NOS1AP: variants seen among roughly 807,000 people sequenced by gnomAD.
NOS1AP encodes nitric oxide synthase 1 adaptor protein.
In NOS1AP, 21 loss-of-function variants were observed where a neutral mutation model predicts 56.2. The observed-to-expected ratio is 0.37, with a 90% CI of 0.26 to 0.54. The LOEUF is 0.54. Ranked by LOEUF, NOS1AP falls within the 20% of genes least tolerant of loss-of-function variation. NOS1AP has a pLI of 0.84. For missense variants in NOS1AP, 522 were observed against 657.8 expected, an observed-to-expected ratio of 0.79 and a Z score of 2.26; for synonymous variants, 270 against 274.6, an observed-to-expected ratio of 0.98 and a Z score of 0.17.
intron 3 of NOS1AP, among the ~76,000 whole-genome samples, chr1:162,295,086 C>T (rs181782630): frequency 4.6e-5 from 7 of 152,284 alleles, no homozygotes; most frequent in African/African-American, 1.7e-4. Flanking sequence ...GTTCCCTGGG[C>T]TGTTTTTAGT....
At chr1:162,106,385 C>G (rs954074555) in intron 1 of NOS1AP, among the ~76,000 whole-genome samples, 1 of 152,196 alleles carries the variant, frequency 6.6e-6, no homozygotes, top group Non-Finnish European at 1.5e-5. Flanking sequence ...TCATTCCTTT[C>G]TCTGAGCACC....
intron 2 of NOS1AP, among the ~76,000 whole-genome samples, chr1:162,266,243 T>C (rs1477274732): frequency 6.6e-6 from 1 of 152,238 alleles, no homozygotes; most frequent in Non-Finnish European, 1.5e-5. Flanking sequence ...GCAGTCTACA[T>C]AGATTCTGAA....
chr1:162,162,960 TG>T (rs1650298339), intron 2 of NOS1AP, among the ~76,000 whole-genome samples: 1 of 152,194 alleles, frequency 6.6e-6, no homozygotes, highest in Non-Finnish European at 1.5e-5. Flanking sequence ...CCATCATCCC[TG>T]ATTCCCCAAC....
At chr1:162,240,431 C>A (rs771400186) in intron 2 of NOS1AP, among the ~76,000 whole-genome samples, 1 of 152,222 alleles carries the variant, frequency 6.6e-6, no homozygotes, top group Non-Finnish European at 1.5e-5. Flanking sequence ...CAAGCCCAGG[C>A]AAGCTCAGCA....
chr1:162,196,478 A>G (rs1557828813), intron 2 of NOS1AP, among the ~76,000 whole-genome samples: 1 of 152,232 alleles, frequency 6.6e-6, no homozygotes, highest in African/African-American at 2.4e-5. Context: ...TGCAGCACAT[A>G]GTAGATGCTT....
chr1:162,162,224 C>T (rs1240711787), intron 2 of NOS1AP, among the ~76,000 whole-genome samples: 1 of 152,014 alleles, frequency 6.6e-6, no homozygotes, highest in Admixed American at 6.6e-5. Flanking sequence ...AAGGGTTATG[C>T]CCTGAAGAAA....
intron 5 of NOS1AP, among the ~76,000 whole-genome samples, chr1:162,335,679 C>T (rs1571226793): frequency 6.6e-6 from 1 of 152,112 alleles, no homozygotes; most frequent in East Asian, 1.9e-4. Context: ...GGGTGTTCTC[C>T]GGAGCCCTCG....
intron 2 of NOS1AP, among the ~76,000 whole-genome samples, chr1:162,242,540 G>A (rs1406725910): frequency 6.6e-6 from 1 of 152,272 alleles, no homozygotes; most frequent in East Asian, 1.9e-4. Context: ...AGCCATCTTG[G>A]ACGTCCAGAC....
At chr1:162,304,039 A>G (rs2101757850) in intron 4 of NOS1AP, among the ~76,000 whole-genome samples, 1 of 151,990 alleles carries the variant, frequency 6.6e-6, no homozygotes, top group Middle Eastern at 3.4e-3. Flanking sequence ...ATCTGTACCT[A>G]ACTCAAGGTC....
chr1:162,298,701 A>G (rs189289131), intron 3 of NOS1AP, among the ~76,000 whole-genome samples: 50 of 152,356 alleles, frequency 3.3e-4, no homozygotes, highest in Non-Finnish European at 6.5e-4. Context: ...TGTAAAAAAA[A>G]GACAATCAAC....
Position 162,234,567 on chromosome 1 carries a change from C to T in NOS1AP, c.178-52777C>T, listed in dbSNP as rs534035989. ...ACTTCTGAATTCCTCCCACGTGGAG[C>T]CAATGTGTCTCTTCCTCTCTATGTG... On this transcript the variant is annotated intron_variant, in intron 2 of 9. Transcript: ENST00000361897. Among the ~76,000 whole-genome samples the T allele has an allele frequency of 3.3e-5, 5 of 152,278 alleles. No individual in the cohort carries two copies. In the South Asian group the frequency reaches 8.3e-4, roughly 25 times the overall value.
chr1:162,180,983 C>A (rs192375475), intron 2 of NOS1AP, among the ~76,000 whole-genome samples: 36 of 152,358 alleles, frequency 2.4e-4, no homozygotes, highest in South Asian at 1.0e-3. Context: ...CTATTCTCAG[C>A]TATCCTCAAG....
intron 2 of NOS1AP, among the ~76,000 whole-genome samples, chr1:162,267,814 A>G (rs1450837572): frequency 6.6e-6 from 1 of 152,190 alleles, no homozygotes; most frequent in African/African-American, 2.4e-5. Flanking sequence ...GTATGTTGAT[A>G]GCCTTAATGG....
intron 2 of NOS1AP, among the ~76,000 whole-genome samples, chr1:162,267,175 G>C (rs1050194332): frequency 1.3e-5 from 2 of 152,146 alleles, no homozygotes; most frequent in Non-Finnish European, 2.9e-5. Flanking sequence ...AAAACTAGCA[G>C]ATAGATCAAA....
chr1:162,226,001 G>T (rs1344694941), intron 2 of NOS1AP, among the ~76,000 whole-genome samples: 3 of 152,172 alleles, frequency 2.0e-5, no homozygotes, highest in Non-Finnish European at 4.4e-5. Flanking sequence ...AACATTCAAG[G>T]AATGTTTATT....
intron 2 of NOS1AP, among the ~76,000 whole-genome samples, chr1:162,162,419 G>T (rs976426194): frequency 1.3e-5 from 2 of 152,216 alleles, no homozygotes; most frequent in Admixed American, 1.3e-4. Context: ...TGTAGCCATA[G>T]TTCCTGAGGC....
chr1:162,315,430 A>G (rs1656198358), intron 4 of NOS1AP, among the ~76,000 whole-genome samples: 1 of 152,214 alleles, frequency 6.6e-6, no homozygotes, highest in African/African-American at 2.4e-5. Context: ...CGTGGCTTCC[A>G]TCTTGTGTCC....
At chr1:162,090,019 T>G (rs1340350397) in intron 1 of NOS1AP, among the ~76,000 whole-genome samples, 1 of 152,232 alleles carries the variant, frequency 6.6e-6, no homozygotes, top group East Asian at 1.9e-4. Flanking sequence ...CCTCATTTAG[T>G]TTTTAGTTCT....
At chr1:162,163,884 C>G (rs1316280761) in intron 2 of NOS1AP, among the ~76,000 whole-genome samples, 1 of 152,110 alleles carries the variant, frequency 6.6e-6, no homozygotes, top group Non-Finnish European at 1.5e-5. Flanking sequence ...CTGCACCAGA[C>G]TGAAAAGTCA....
Sources: allele counts gnomAD v4.1 joint callset (sites outside exome capture counted in the v4.1 genomes callset), GRCh38; gene constraint gnomAD v4.1.1; transcripts MANE v1.5; gene names NCBI Gene and HGNC (gene_info 2026-07-23, HGNC 2026-07-21).